The following CHD2 variants were observed in gnomAD, a reference collection of about 807,000 sequenced individuals.
CHD2 encodes chromodomain helicase DNA binding protein 2.
CHD2 carries 28 observed loss-of-function variants against 243.9 expected under a neutral mutation model. The ratio of observed to expected loss-of-function variants is 0.11; its 90% CI spans 0.09 to 0.16. The LOEUF (loss-of-function observed/expected upper bound fraction) is 0.16, where lower values mean the gene tolerates loss of function less well. Ranked by LOEUF, CHD2 falls within the 10% of genes least tolerant of loss-of-function variation. CHD2 has a pLI of 1.00. For missense variants in CHD2, 1,386 were observed against 2,209.8 expected, an observed-to-expected ratio of 0.63 and a Z score of 7.47; for synonymous variants, 775 against 779.0, an observed-to-expected ratio of 0.99 and a Z score of 0.09.
At chr15:92,928,961 G>T in intron 4 of CHD2, 69 bp from the exon 5 acceptor site, 1 of 1,422,792 alleles carries the variant, frequency 7.0e-7, no homozygotes, top group South Asian at 1.2e-5. Context: ...GTTGATCCAG[G>T]AGATAGTGTT....
intron 6 of CHD2, among the ~76,000 whole-genome samples, chr15:92,939,182 G>A (rs1306990485): frequency 1.3e-5 from 2 of 151,998 alleles, no homozygotes; most frequent in African/African-American, 4.8e-5. Context: ...TATATCAATA[G>A]GATTAATTCC....
At chr15:92,903,382 C>G (rs1041517609) in intron 2 of CHD2, among the ~76,000 whole-genome samples, 3 of 152,100 alleles carry the variant, frequency 2.0e-5, no homozygotes, top group Admixed American at 2.0e-4. Context: ...GTTTGCAGGT[C>G]AAGTAAACTT....
rs2054579010 is a variant in CHD2 at position 93,025,412 on chromosome 15, G to C, written c.*707G>C. ...CCACACTGTCTTTGTACATTTCAGA[G>C]CTTTGGTCTCCTGAGTGGGCCTCCT... On this transcript the variant is annotated 3_prime_UTR_variant, in exon 39 of 39. Transcript: ENST00000394196. 6.5e-6 allele frequency: 1 copy of C among 152,704 alleles called. No individual in the cohort carries two copies. The highest frequency in any genetic ancestry group is 1.5e-5 in the Non-Finnish European group (1 of 68,114). The allele number at this position is 152,704 out of a possible 1,614,324, so 9.5% of individuals were successfully genotyped here.
At chr15:92,989,663 G>A (rs553587733) in intron 26 of CHD2, among the ~76,000 whole-genome samples, 2 of 152,302 alleles carry the variant, frequency 1.3e-5, no homozygotes, top group East Asian at 1.9e-4. Flanking sequence ...GTTGGGGCAC[G>A]TTTCAATGCT....
At chr15:92,926,721 GA>G (rs1441637748) in intron 3 of CHD2, among the ~76,000 whole-genome samples, 2 of 152,200 alleles carry the variant, frequency 1.3e-5, no homozygotes, top group Non-Finnish European at 2.9e-5. Context: ...CTCATTCTGA[GA>G]ACTTCTAGCT....
At chr15:92,976,075 G>A (rs1596424723) in intron 20 of CHD2, among the ~76,000 whole-genome samples, 4 of 152,038 alleles carry the variant, frequency 2.6e-5, no homozygotes, top group South Asian at 2.1e-4. Context: ...CATAGTAAGC[G>A]CTCTAAATAT....
chr15:92,970,878 C>G (rs559191726), intron 17 of CHD2, among the ~76,000 whole-genome samples: 20 of 152,124 alleles, frequency 1.3e-4, no homozygotes, highest in African/African-American at 4.6e-4. Context: ...AGAAATTGCG[C>G]CACTCAGGAA....
At chr15:92,916,952 T>C (rs1019641608) in intron 2 of CHD2, among the ~76,000 whole-genome samples, 1 of 152,250 alleles carries the variant, frequency 6.6e-6, no homozygotes, top group African/African-American at 2.4e-5. Flanking sequence ...TAACCAGTTA[T>C]AATGTTTCCC....
intron 3 of CHD2, among the ~76,000 whole-genome samples, chr15:92,925,915 G>T (rs1457640868): frequency 6.6e-6 from 1 of 152,076 alleles, no homozygotes; most frequent in Non-Finnish European, 1.5e-5. Flanking sequence ...TTTTTATGTT[G>T]TTGTTGTTGT....
intron 5 of CHD2, among the ~76,000 whole-genome samples, chr15:92,931,609 A>G (rs1195945689): frequency 6.6e-6 from 1 of 152,022 alleles, no homozygotes; most frequent in Non-Finnish European, 1.5e-5. Context: ...TCCTGGCCTC[A>G]AGTTATCCTC....
At position 93,020,465 on chromosome 15, in the gene CHD2, A is replaced by G. The variant is rs1315939892; in HGVS notation, c.5153+207A>G. 4 of 651,838 alleles carry G rather than the reference A, an allele frequency of 6.1e-6. No individual in the cohort carries two copies. The African/African-American group carries it at 7.3e-5, about 12-fold the overall frequency. 40.4% of individuals were successfully genotyped at this position (651,838 alleles called of 1,614,324 possible). ...AGGGAGCACATTTCACCTGTGCAGG[A>G]AAAGAGTTTTCTGCCGTCTTTTGAG... On this transcript the variant is annotated intron_variant, in intron 38 of 38. Transcript: ENST00000394196.
chr15:92,904,377 C>T (rs949684715), intron 2 of CHD2: 6 of 917,246 alleles, frequency 6.5e-6, no homozygotes, highest in East Asian at 1.2e-4. Flanking sequence ...GCAGCCTCCG[C>T]CCCGTGACGT....
At chr15:93,004,445 C>T (rs2054295160) in intron 33 of CHD2, 172 bp from the exon 34 acceptor site, 2 of 500,796 alleles carry the variant, frequency 4.0e-6, no homozygotes, top group South Asian at 9.6e-5. Flanking sequence ...GAGTAAGCTG[C>T]TAATCAGACA....
In CHD2 at chr15:93,026,815, A is replaced by AGG. The variant is rs2054590082; in HGVS notation, c.*2111_*2112dup. The AGG allele has an allele frequency of 6.6e-6, 1 of 152,364 alleles. No individual in the cohort carries two copies. The highest frequency in any genetic ancestry group is 1.5e-5 in the Non-Finnish European group (1 of 68,076). The allele number at this position is 152,364 out of a possible 1,614,324, so 9.4% of individuals were successfully genotyped here. On this transcript the variant is annotated 3_prime_UTR_variant, in exon 39 of 39. Coordinates refer to ENST00000394196, the MANE Select transcript of CHD2 (RefSeq NM_001271.4). Reference sequence around the variant, plus strand: ...AGCGTTGGGAGATGGGGTGGGAAGGAGGTGAGCCCCTGCAGAGAGTTGGGT... The same window carrying AGG: ...AGCGTTGGGAGATGGGGTGGGAAGGAGGGGTGAGCCCCTGCAGAGAGTTGGGT...
intron 18 of CHD2, 35 bp downstream of exon 18, chr15:92,971,962 A>G (rs2053847162): frequency 3.8e-6 from 6 of 1,586,044 alleles, no homozygotes; most frequent in Non-Finnish European, 5.1e-6. Context: ...TCTCAAAAAA[A>G]ACGCTTAGTT....
chr15:92,904,440 G>T, intron 2 of CHD2: 1 of 988,564 alleles, frequency 1.0e-6, no homozygotes, highest in Non-Finnish European at 1.2e-6. Context: ...CTGGCCGCGT[G>T]CGCATGTCGG....
intron 36 of CHD2, among the ~76,000 whole-genome samples, chr15:93,012,827 A>G (rs576524038): frequency 1.3e-5 from 2 of 152,198 alleles, no homozygotes; most frequent in South Asian, 2.1e-4. Flanking sequence ...CAGCTTTTGT[A>G]TGGAAGGGGT....
chr15:92,964,724 G>C (rs2053733971), intron 16 of CHD2, among the ~76,000 whole-genome samples: 1 of 152,164 alleles, frequency 6.6e-6, no homozygotes, highest in South Asian at 2.1e-4. Context: ...CATACTGTTT[G>C]CAAAGCATGG....
At chr15:93,009,475 C>T (rs754504009) in intron 35 of CHD2, 152 bp downstream of exon 35, 56 of 693,146 alleles carry the variant, frequency 8.1e-5, no homozygotes, top group Admixed American at 3.0e-4. Context: ...CTTTAACTCC[C>T]TTTCCATGAA....
Sources: gnomAD v4.1 joint callset for allele counts (sites outside exome capture counted in the v4.1 genomes callset) on GRCh38, gnomAD v4.1.1 for gene constraint, MANE v1.5 for transcripts, NCBI Gene and HGNC (gene_info 2026-07-23, HGNC 2026-07-21) for gene names.